Variants in ARID5B observed in about 807,000 individuals in gnomAD.
ARID5B encodes AT-rich interaction domain 5B.
Under a neutral mutation model 97.2 loss-of-function variants are expected in ARID5B, and 13 were observed. That is an observed-to-expected ratio of 0.13 (90% CI 0.09 to 0.21). The LOEUF (loss-of-function observed/expected upper bound fraction) is 0.21, where lower values mean the gene tolerates loss of function less well. Ranked by LOEUF, ARID5B falls within the 10% of genes least tolerant of loss-of-function variation. The pLI, the probability that ARID5B is intolerant of heterozygous loss-of-function variation, is 1.00. For missense variants in ARID5B, 1,210 were observed against 1,465.3 expected (o/e 0.83, Z 2.84); for synonymous variants, 556 against 570.3 (o/e 0.97, Z 0.36).
intron 3 of ARID5B, among the ~76,000 whole-genome samples, chr10:61,999,841 G>C (rs571545305): frequency 2.6e-5 from 4 of 152,216 alleles, no homozygotes; most frequent in Middle Eastern, 6.8e-3. Context: ...ATTACTTACT[G>C]TGTCTAGAGG....
intron 6 of ARID5B, among the ~76,000 whole-genome samples, chr10:62,058,666 T>A (rs10821952): frequency 0.43 from 65,546 of 151,756 alleles, 15,481 homozygotes; most frequent in Non-Finnish European, 0.56. Flanking sequence ...CCTTCCCTTT[T>A]ATCTGTTGTA....
rs141027688 is a variant in ARID5B at position 62,092,734 on chromosome 10, C to T, written c.3271C>T (p.Leu1091Phe). Residue 1091 changes from leucine to phenylalanine, a missense_variant, in exon 10 of 10, where the codon CTC (leucine) becomes TTC (phenylalanine). Around this residue, in one of 8 missense-constraint regions of ARID5B, gnomAD observed 800 missense variants for 839.1 expected, o/e 0.95. Transcript: ENST00000279873. ...LYSGSLCNSG[L>F]NSRLPAGYSH... ...TTCCGGGAGCCTGTGTAACTCGGGC[C>T]TCAACTCCAGGCTCCCGGCTGGGTA... is the stretch of plus-strand genomic sequence containing the variant. 3.7e-6 allele frequency: 6 copies of T among 1,614,026 alleles called. No homozygotes were observed. The African/African-American group carries it at 6.7e-5, about 18-fold the overall frequency.
At chr10:61,977,011 C>G (rs1008982238) in intron 3 of ARID5B, among the ~76,000 whole-genome samples, 1 of 152,164 alleles carries the variant, frequency 6.6e-6, no homozygotes, top group Non-Finnish European at 1.5e-5. Flanking sequence ...CCTCTCCCCT[C>G]CCCTCACCCC....
At chr10:61,931,396 TA>T (rs1844207533) in intron 2 of ARID5B, among the ~76,000 whole-genome samples, 1 of 152,082 alleles carries the variant, frequency 6.6e-6, no homozygotes, top group Non-Finnish European at 1.5e-5. Flanking sequence ...TGTAAACCTA[TA>T]AAACTTTTAG....
intron 2 of ARID5B, among the ~76,000 whole-genome samples, chr10:61,930,376 A>G (rs968465771): frequency 1.3e-5 from 2 of 152,138 alleles, no homozygotes; most frequent in African/African-American, 2.4e-5. Context: ...AGACAAAGGT[A>G]GTGTTTTTCC....
At chr10:62,063,033 T>G (rs1237069874) in intron 7 of ARID5B, among the ~76,000 whole-genome samples, 1 of 152,218 alleles carries the variant, frequency 6.6e-6, no homozygotes, top group Non-Finnish European at 1.5e-5. Flanking sequence ...AAATGCCTCC[T>G]ACATATTTGG....
chr10:62,019,918 C>A (rs1013712724), intron 4 of ARID5B, among the ~76,000 whole-genome samples: 3 of 152,170 alleles, frequency 2.0e-5, no homozygotes, highest in African/African-American at 7.2e-5. Context: ...CGTTCTGATT[C>A]CCACATTTTG....
At chr10:61,972,218 T>C (rs1031874857) in intron 3 of ARID5B, among the ~76,000 whole-genome samples, 1 of 140,062 alleles carries the variant, frequency 7.1e-6, no homozygotes, top group African/African-American at 2.6e-5. Context: ...TCTAGTCTTA[T>C]ATCATGCTTT....
chr10:62,069,886 T>C (rs1215456175), intron 8 of ARID5B, 89 bp downstream of exon 8: 2 of 1,345,538 alleles, frequency 1.5e-6, no homozygotes, highest in Non-Finnish European at 2.1e-6. Context: ...GAAGTCTAAA[T>C]GACCTTTTGG....
At chr10:61,906,067 A>G (rs1341502411) in intron 2 of ARID5B, among the ~76,000 whole-genome samples, 2 of 152,224 alleles carry the variant, frequency 1.3e-5, no homozygotes, top group Non-Finnish European at 2.9e-5. Flanking sequence ...CAGCTGCAAA[A>G]TGGGAACAAA....
Position 61,985,769 on chromosome 10 carries a change from C to T in ARID5B, c.503-14322C>T, listed in dbSNP as rs142762712. On this transcript the variant is annotated intron_variant, in intron 3 of 9. Transcript: ENST00000279873. ...ATCAGGTGGTTGTGGATCTTTGTCCCGGGATCAAAAGAGGAGAAGTAATAG... is the reference window on the plus strand; with the variant it reads ...ATCAGGTGGTTGTGGATCTTTGTCCTGGGATCAAAAGAGGAGAAGTAATAG... Among the ~76,000 whole-genome samples, 1,200 of 152,020 alleles carry T rather than the reference C, an allele frequency of 7.9e-3. 12 individuals are homozygous for T. Among genetic ancestry groups the T allele is most frequent in the African/African-American group, 0.027 (1,121 of 41,416 alleles).
chr10:61,983,482 G>A (rs959818732), intron 3 of ARID5B, among the ~76,000 whole-genome samples: 2 of 152,138 alleles, frequency 1.3e-5, no homozygotes, highest in Non-Finnish European at 2.9e-5. Context: ...GTGAAAAGTC[G>A]CTAAATGGAG....
At chr10:62,001,167 A>G (rs1427006204) in intron 4 of ARID5B, among the ~76,000 whole-genome samples, 3 of 152,196 alleles carry the variant, frequency 2.0e-5, no homozygotes, top group Admixed American at 2.0e-4. Context: ...GGATCATATC[A>G]GTGGTTTTCA....
At chr10:61,950,242 G>C (rs565069812) in intron 3 of ARID5B, among the ~76,000 whole-genome samples, 1 of 152,106 alleles carries the variant, frequency 6.6e-6, no homozygotes, top group South Asian at 2.1e-4. Flanking sequence ...TCCTGACCTC[G>C]TGATCTGCCC....
At chr10:61,978,160 A>C (rs1407146320) in intron 3 of ARID5B, among the ~76,000 whole-genome samples, 2 of 152,202 alleles carry the variant, frequency 1.3e-5, no homozygotes, top group African/African-American at 4.8e-5. Flanking sequence ...GTCAAAGATC[A>C]GATGGTTGTA....
At chr10:62,004,102 C>A (rs1289381333) in intron 4 of ARID5B, among the ~76,000 whole-genome samples, 1 of 152,022 alleles carries the variant, frequency 6.6e-6, no homozygotes, top group African/African-American at 2.4e-5. Flanking sequence ...GTAAATATAT[C>A]CTGGTTTTAA....
Position 61,903,382 on chromosome 10 carries a change from G to T in ARID5B, c.276+969G>T, listed in dbSNP as rs570483868. On this transcript the variant is annotated intron_variant, in intron 2 of 9. Transcript: ENST00000279873. ...GCTGTCACTGGGCGCCGGGGCGGCC[G>T]CCTCCCTTCGGCTCTGTCATTTCAT... Among the ~76,000 whole-genome samples, 4 of 152,354 alleles carry T rather than the reference G, an allele frequency of 2.6e-5. No individual in the cohort carries two copies. In the South Asian group the frequency reaches 8.3e-4, roughly 32 times the overall value.
intron 8 of ARID5B, among the ~76,000 whole-genome samples, chr10:62,073,106 T>A (rs1840086310): frequency 6.6e-6 from 1 of 152,222 alleles, no homozygotes; most frequent in Non-Finnish European, 1.5e-5. Flanking sequence ...CTTGGAATTT[T>A]GTAAAGCCTT....
Position 62,065,924 on chromosome 10 carries a change from G to T in ARID5B, c.1102-3776G>T, listed in dbSNP as rs375063774. Among the ~76,000 whole-genome samples the T allele has an allele frequency of 1.7e-4, 25 of 150,826 alleles. No homozygotes were observed. In the East Asian group the frequency reaches 2.9e-3, roughly 18 times the overall value. On this transcript the variant is annotated intron_variant, in intron 7 of 9. Transcript: ENST00000279873. The stretch of plus-strand genomic sequence containing the variant: ...AAAAAGCTAATATAATAGAAGGTCA[G>T]GTTGAAACACAAATTATAACCAGGA...
Sources: allele counts gnomAD v4.1 joint callset (sites outside exome capture counted in the v4.1 genomes callset), GRCh38; gene constraint gnomAD v4.1.1; regional missense constraint gnomAD v4.1.1; transcripts MANE v1.5; gene names NCBI Gene and HGNC (gene_info 2026-07-23, HGNC 2026-07-21).